MACROD2: variants seen among roughly 807,000 people sequenced by gnomAD.
MACROD2 encodes mono-ADP ribosylhydrolase 2.
Under a neutral mutation model 70.4 loss-of-function variants are expected in MACROD2, and 36 were observed. The ratio of observed to expected loss-of-function variants is 0.51; its 90% CI spans 0.39 to 0.68. MACROD2 has a LOEUF of 0.68. MACROD2 is among the 30% of genes least tolerant of loss of function. The pLI, the probability that MACROD2 is intolerant of heterozygous loss-of-function variation, is 0.00. For synonymous variants in MACROD2, 172 were observed against 178.8 expected (o/e 0.96, Z 0.30); for missense variants, 496 against 538.4 (o/e 0.92, Z 0.78).
At chr20:16,040,173 C>T (rs2067289608) in intron 15 of MACROD2, among the ~76,000 whole-genome samples, 2 of 151,860 alleles carry the variant, frequency 1.3e-5, no homozygotes, top group African/African-American at 4.8e-5. Context: ...AGCTCAGAGC[C>T]CAGTCACCTT....
intron 3 of MACROD2, among the ~76,000 whole-genome samples, chr20:14,130,954 A>G (rs2054710494): frequency 7.1e-6 from 1 of 141,450 alleles, no homozygotes; most frequent in South Asian, 2.2e-4. Flanking sequence ...TTCTTGAGAC[A>G]GGCTCTGTTG....
At chr20:14,421,636 T>C (rs1279134383) in intron 3 of MACROD2, among the ~76,000 whole-genome samples, 1 of 152,292 alleles carries the variant, frequency 6.6e-6, no homozygotes. Context: ...CATTTTCTAA[T>C]TTATTTTGTC....
intron 4 of MACROD2, among the ~76,000 whole-genome samples, chr20:14,536,654 T>C (rs962192888): frequency 8.4e-5 from 12 of 143,124 alleles, no homozygotes; most frequent in African/African-American, 3.0e-4. Context: ...TGTGTGTGTG[T>C]GTGTGTGTGC....
At chr20:15,221,101 G>A (rs1204166157) in intron 5 of MACROD2, among the ~76,000 whole-genome samples, 1 of 152,116 alleles carries the variant, frequency 6.6e-6, no homozygotes, top group African/African-American at 2.4e-5. Flanking sequence ...TTGCAGTGGG[G>A]ACTAATATTC....
At chr20:14,608,626 T>C (rs1378236456) in intron 4 of MACROD2, among the ~76,000 whole-genome samples, 2 of 152,148 alleles carry the variant, frequency 1.3e-5, no homozygotes, top group Non-Finnish European at 2.9e-5. Flanking sequence ...GCAATAGTAG[T>C]GGATGAAACA....
chr20:15,788,668 T>C (rs995775959), intron 8 of MACROD2, among the ~76,000 whole-genome samples: 42 of 152,158 alleles, frequency 2.8e-4, no homozygotes, highest in African/African-American at 9.6e-4. Flanking sequence ...ATTAACAGAA[T>C]GAGAACAGAA....
At chr20:15,585,133 G>A (rs981700962) in intron 8 of MACROD2, among the ~76,000 whole-genome samples, 3 of 151,956 alleles carry the variant, frequency 2.0e-5, no homozygotes, top group South Asian at 4.2e-4. Context: ...TGATCTCTCC[G>A]TGTGCTCCAT....
chr20:16,037,510 A>AT (rs2067251402), intron 15 of MACROD2, among the ~76,000 whole-genome samples: 1 of 151,894 alleles, frequency 6.6e-6, no homozygotes, highest in Admixed American at 6.6e-5. Context: ...TTATCAATTA[A>AT]TTTTTCCACA....
At chr20:16,025,622 T>C (rs1601342232) in intron 15 of MACROD2, among the ~76,000 whole-genome samples, 1 of 151,668 alleles carries the variant, frequency 6.6e-6, no homozygotes, top group Non-Finnish European at 1.5e-5. Flanking sequence ...GGATGGCGGG[T>C]TGGGGGACAT....
At chr20:15,597,499 A>G (rs1007113994) in intron 8 of MACROD2, among the ~76,000 whole-genome samples, 2 of 152,214 alleles carry the variant, frequency 1.3e-5, no homozygotes, top group Non-Finnish European at 2.9e-5. Context: ...AACAGGCCTT[A>G]GCAGTTAGAA....
At chr20:14,944,701 C>T (rs916443476) in intron 5 of MACROD2, among the ~76,000 whole-genome samples, 1 of 152,126 alleles carries the variant, frequency 6.6e-6, no homozygotes, top group African/African-American at 2.4e-5. Flanking sequence ...ATGTGGGATT[C>T]CTGGTGGCTT....
At chr20:14,558,315 C>T (rs375728873) in intron 4 of MACROD2, among the ~76,000 whole-genome samples, 24 of 151,636 alleles carry the variant, frequency 1.6e-4, no homozygotes, top group African/African-American at 3.4e-4. Context: ...ACCATTTAAT[C>T]GTGTATTTTT....
At chr20:14,219,692 G>T (rs149882416) in intron 3 of MACROD2, among the ~76,000 whole-genome samples, 2 of 152,226 alleles carry the variant, frequency 1.3e-5, no homozygotes, top group African/African-American at 4.8e-5. Context: ...GAAGGCTGTT[G>T]TTCAGATTCT....
rs538541867 is a variant in MACROD2 at position 14,354,032 on chromosome 20, T to C, written c.272-139447T>C. 9.8e-5 allele frequency among the ~76,000 whole-genome samples: 15 copies of C among 152,294 alleles called. No homozygotes were observed. In the South Asian group the frequency reaches 2.9e-3, roughly 29 times the overall value. On this transcript the variant is annotated intron_variant, in intron 3 of 17. Transcript: ENST00000684519. ...AAAGTGGTTACTGCATTCCCATCAT[T>C]AGTATTTGAGTTATTAATTGTCAGG...
intron 5 of MACROD2, among the ~76,000 whole-genome samples, chr20:15,160,266 A>G (rs2076339268): frequency 6.6e-6 from 1 of 152,004 alleles, no homozygotes; most frequent in Non-Finnish European, 1.5e-5. Context: ...TGGAATGGAG[A>G]AAGAGGATGA....
chr20:15,366,866 G>C (rs983936917), intron 6 of MACROD2, among the ~76,000 whole-genome samples: 16 of 151,724 alleles, frequency 1.1e-4, no homozygotes, highest in African/African-American at 3.6e-4. Flanking sequence ...GTTTATTTTT[G>C]AATATAGCAT....
intron 8 of MACROD2, among the ~76,000 whole-genome samples, chr20:15,851,790 C>T (rs906729979): frequency 6.6e-6 from 1 of 152,062 alleles, no homozygotes; most frequent in Admixed American, 6.6e-5. Flanking sequence ...AGAGAAGCAG[C>T]GTGGGTGAGG....
intron 4 of MACROD2, among the ~76,000 whole-genome samples, chr20:14,515,463 A>ACACACACGCGCGCGCGCG (rs34190778): frequency 2.2e-4 from 31 of 138,904 alleles, no homozygotes; most frequent in African/African-American, 8.3e-4. Flanking sequence ...ATACACACAC[A>ACACACACGCGCGCGCGCG]CGCACACACA....
At chr20:15,699,623 T>G (rs1482367272) in intron 8 of MACROD2, among the ~76,000 whole-genome samples, 1 of 152,140 alleles carries the variant, frequency 6.6e-6, no homozygotes, top group East Asian at 1.9e-4. Context: ...GCCCCGAGTT[T>G]GTTTCCAGGC....
Sources: gnomAD v4.1 joint callset for allele counts (sites outside exome capture counted in the v4.1 genomes callset) on GRCh38, gnomAD v4.1.1 for gene constraint, MANE v1.5 for transcripts, NCBI Gene and HGNC (gene_info 2026-07-23, HGNC 2026-07-21) for gene names.